The following TMEM38A variants were observed in gnomAD, a reference collection of about 807,000 sequenced individuals.
TMEM38A encodes the protein transmembrane protein 38A.
TMEM38A carries 17 observed loss-of-function variants against 28.6 expected under a neutral mutation model. The ratio of observed to expected loss-of-function variants is 0.60; its 90% CI spans 0.41 to 0.89. The LOEUF is 0.89. Among genes scored for constraint, TMEM38A ranks in the 40% least tolerant of loss-of-function variants. TMEM38A has a pLI of 0.00. For missense variants in TMEM38A, 328 were observed against 393.1 expected (o/e 0.83, Z 1.40); for synonymous variants, 169 against 166.1 (o/e 1.02, Z -0.14).
intron 1 of TMEM38A, among the ~76,000 whole-genome samples, chr19:16,676,186 C>T (rs918695328): frequency 3.7e-5 from 5 of 134,934 alleles, no homozygotes; most frequent in Non-Finnish European, 7.4e-5. Flanking sequence ...CAGTGAAACC[C>T]CGTCTCTACT....
chr19:16,676,295 G>T (rs1294974142), intron 1 of TMEM38A, among the ~76,000 whole-genome samples: 1 of 152,120 alleles, frequency 6.6e-6, no homozygotes, highest in Non-Finnish European at 1.5e-5. Flanking sequence ...GGCGGAGCTT[G>T]CAGTGATCTG....
At chr19:16,664,374 G>A (rs1016253201) in intron 1 of TMEM38A, among the ~76,000 whole-genome samples, 2 of 152,124 alleles carry the variant, frequency 1.3e-5, no homozygotes, top group Non-Finnish European at 2.9e-5. Flanking sequence ...CCGAAATCTC[G>A]CTGCTGCACT....
intron 4 of TMEM38A, among the ~76,000 whole-genome samples, chr19:16,685,010 C>T (rs2086795938): frequency 6.6e-6 from 1 of 150,560 alleles, no homozygotes; most frequent in African/African-American, 2.5e-5. Context: ...GATCAGACCA[C>T]TGCACTCCAG....
At chr19:16,662,436 C>CTTTTTTTTTTTTTTTTT (rs35226829) in intron 1 of TMEM38A, among the ~76,000 whole-genome samples, 21 of 75,860 alleles carry the variant, frequency 2.8e-4, no homozygotes, top group African/African-American at 6.5e-4. Context: ...TAAATGCACG[C>CTTTTTTTTTTTTTTTTT]TTTTTTTTTT....
chr19:16,674,522 G>C lies in TMEM38A; in HGVS notation c.125-5462G>C, dbSNP rs925714281. 2.7e-5 allele frequency among the ~76,000 whole-genome samples: 4 copies of C among 150,618 alleles called. No homozygotes were observed. The East Asian group carries it at 7.9e-4, about 30-fold the overall frequency. On this transcript the variant is annotated intron_variant, in intron 1 of 5. Coordinates refer to ENST00000187762, the MANE Select transcript of TMEM38A (RefSeq NM_024074.4). The stretch of plus-strand genomic sequence containing the variant: ...TATTGTAATACCAGGACCCAAGGCC[G>C]GGCGCCGTGGCTCACACCTATAATC...
At chr19:16,670,757 G>A (rs957507281) in intron 1 of TMEM38A, among the ~76,000 whole-genome samples, 2 of 152,074 alleles carry the variant, frequency 1.3e-5, no homozygotes, top group African/African-American at 4.8e-5. Flanking sequence ...TGGCCAACAT[G>A]GAGAAATCCC....
chr19:16,688,343 G>T lies in TMEM38A; in HGVS notation c.872G>T (p.Arg291Met). 1 of 1,600,368 alleles carries T rather than the reference G, an allele frequency of 6.2e-7. No homozygotes were observed. The highest frequency in any genetic ancestry group is 1.3e-5 in the African/African-American group (1 of 74,630). ...KSKEELSEGS[R>M]KKKAKKAD Reference sequence around the variant, plus strand: ...AAGGAGGAGTTGAGCGAGGGCTCCAGGAAGAAGAAGGCCAAGAAGGCGGAT... The same window carrying T: ...AAGGAGGAGTTGAGCGAGGGCTCCATGAAGAAGAAGGCCAAGAAGGCGGAT... Residue 291 changes from arginine to methionine, a missense_variant, in exon 6 of 6, where the codon AGG becomes ATG. Coordinates refer to ENST00000187762, the MANE Select transcript of TMEM38A (RefSeq NM_024074.4).
chr19:16,680,507 C>T lies in TMEM38A; in HGVS notation c.392C>T (p.Ala131Val), dbSNP rs139650677. The stretch of plus-strand genomic sequence containing the variant: ...GAGGTGGTGCGAGTCCGCAAGATCG[C>T]GGTGGGCATCCATCACGCCCATCAC... ...MKEVVRVRKI[A>V]VGIHHAHHHY... Residue 131 changes from alanine (A) to valine (V), a missense_variant, in exon 3 of 6, where the codon GCG becomes GTG. Coordinates refer to ENST00000187762, the MANE Select transcript of TMEM38A (RefSeq NM_024074.4). 8.1e-5 allele frequency: 130 copies of T among 1,614,182 alleles called. No individual in the cohort carries two copies. The highest frequency in any genetic ancestry group is 1.3e-4 in the South Asian group (12 of 91,080).
intron 1 of TMEM38A, among the ~76,000 whole-genome samples, chr19:16,671,660 G>A (rs1184680289): frequency 6.6e-6 from 1 of 151,724 alleles, no homozygotes; most frequent in African/African-American, 2.4e-5. Flanking sequence ...GAACTCCTGA[G>A]CTCAAGTGAT....
intron 4 of TMEM38A, among the ~76,000 whole-genome samples, chr19:16,683,615 A>T (rs2122597668): frequency 7.1e-6 from 1 of 139,926 alleles, no homozygotes; most frequent in East Asian, 2.0e-4. Context: ...AAAAAAAGGG[A>T]TCATGCATTT....
intron 4 of TMEM38A, among the ~76,000 whole-genome samples, chr19:16,685,032 G>T (rs1000013406): frequency 7.1e-6 from 1 of 140,336 alleles, no homozygotes; most frequent in African/African-American, 3.0e-5. Flanking sequence ...CTGGGTGATA[G>T]AGAGAGACCC....
rs1291329063 is a variant in TMEM38A at position 16,682,479 on chromosome 19, A to G, written c.525A>G (p.Pro175=). Residue 175 remains proline, a synonymous_variant, in exon 4 of 6, where the codon CCA becomes CCG. Coordinates refer to ENST00000187762, the MANE Select transcript of TMEM38A (RefSeq NM_024074.4). ...AGCTGCTCCGAGGGGTCTGGAAGCC[A>G]GAGACCAACGAGATCCTGCACATGT... ...FEQLLRGVWK[P]ETNEILHMSF... The G allele has an allele frequency of 8.1e-6, 13 of 1,613,906 alleles. No individual in the cohort carries two copies. The highest frequency in any genetic ancestry group is 1.1e-5 in the Non-Finnish European group (13 of 1,180,000).
chr19:16,668,201 T>A (rs1217909816), intron 1 of TMEM38A, among the ~76,000 whole-genome samples: 1 of 151,868 alleles, frequency 6.6e-6, no homozygotes, highest in African/African-American at 2.4e-5. Flanking sequence ...AGAGCAAGAC[T>A]CTGTCTCAGA....
At chr19:16,687,247 G>A (rs529710237) in intron 5 of TMEM38A, among the ~76,000 whole-genome samples, 4 of 152,200 alleles carry the variant, frequency 2.6e-5, no homozygotes, top group East Asian at 3.9e-4. Flanking sequence ...CAGGAGAATC[G>A]CTTGAACCCG....
At chr19:16,672,657 C>T (rs2086732998) in intron 1 of TMEM38A, among the ~76,000 whole-genome samples, 2 of 152,102 alleles carry the variant, frequency 1.3e-5, no homozygotes, top group African/African-American at 4.8e-5. Flanking sequence ...ACCATGTTGG[C>T]TAGGCTGGTC....
chr19:16,685,086 A>ATAAATAAAT (rs1291227845), intron 4 of TMEM38A, among the ~76,000 whole-genome samples: 1 of 150,514 alleles, frequency 6.6e-6, no homozygotes, highest in African/African-American at 2.4e-5. Context: ...AAATAAATAA[A>ATAAATAAAT]ACGAAATCAG....
intron 5 of TMEM38A, among the ~76,000 whole-genome samples, chr19:16,687,005 A>G (rs894082930): frequency 6.6e-6 from 1 of 152,184 alleles, no homozygotes; most frequent in Non-Finnish European, 1.5e-5. Context: ...CTGCTGTATA[A>G]CAGAATGCAG....
At chr19:16,682,390 T>G (rs2086785370) in intron 3 of TMEM38A, 31 bp from the exon 4 acceptor site, 4 of 1,596,084 alleles carry the variant, frequency 2.5e-6, no homozygotes, top group Non-Finnish European at 2.6e-6. Context: ...CTGGGGGTGG[T>G]GGGCTTGTTC....
intron 1 of TMEM38A, among the ~76,000 whole-genome samples, chr19:16,666,952 C>T (rs868353342): frequency 8.1e-6 from 1 of 122,846 alleles, no homozygotes. Flanking sequence ...AACTCCATCT[C>T]AAAAAAAAAA....
Sources: allele counts gnomAD v4.1 joint callset (sites outside exome capture counted in the v4.1 genomes callset), GRCh38; gene constraint gnomAD v4.1.1; transcripts MANE v1.5; gene names NCBI Gene and HGNC (gene_info 2026-07-23, HGNC 2026-07-21).